The following FMN1 variants were observed in gnomAD, a reference collection of about 807,000 sequenced individuals.
FMN1 encodes the protein formin 1.
FMN1 carries 110 observed loss-of-function variants against 132.4 expected under a neutral mutation model. The ratio of observed to expected loss-of-function variants is 0.83; its 90% CI spans 0.71 to 0.97. The LOEUF (loss-of-function observed/expected upper bound fraction) is 0.97, where lower values mean the gene tolerates loss of function less well. FMN1 is among the 50% of genes least tolerant of loss of function. The pLI is 0.00. For missense variants in FMN1, 1,792 were observed against 1,705.3 expected (o/e 1.05, Z -0.90); for synonymous variants, 722 against 651.7 (o/e 1.11, Z -1.64).
chr15:32,995,558 T>C lies in FMN1; in HGVS notation c.2223+12456A>G, dbSNP rs537758132. Among the ~76,000 whole-genome samples, 14 of 152,322 alleles carry C rather than the reference T, an allele frequency of 9.2e-5. 1 individual carries two copies. The highest frequency in any genetic ancestry group is 6.5e-4 in the Admixed American group (10 of 15,300). On this transcript the variant is annotated intron_variant, in intron 7 of 20. Coordinates refer to ENST00000616417, the MANE Select transcript of FMN1 (RefSeq NM_001277313.2). ...AATGCTAAGTGTAGTGTCTGGCATATAGCAATATGCAACAAATGTTATCTG... is the reference window on the plus strand; with the variant it reads ...AATGCTAAGTGTAGTGTCTGGCATACAGCAATATGCAACAAATGTTATCTG...
chr15:33,068,701 G>A lies in FMN1; in HGVS notation c.2044-3627C>T, dbSNP rs188382767. ...ATGCAGATTTTAGCTCCTAAAGCCC[G>A]TGAGGGATAACCCACACGACTGGTT... On this transcript the variant is annotated intron_variant, in intron 5 of 20. Transcript: ENST00000616417. Among the ~76,000 whole-genome samples, 11 of 151,742 alleles carry A rather than the reference G, an allele frequency of 7.2e-5. No homozygotes were observed. The East Asian group carries it at 7.7e-4, about 11-fold the overall frequency.
At chr15:32,861,421 G>C (rs1316326954) in intron 16 of FMN1, among the ~76,000 whole-genome samples, 1 of 152,188 alleles carries the variant, frequency 6.6e-6, no homozygotes, top group Non-Finnish European at 1.5e-5. Context: ...GCCATATCAT[G>C]GGGGTGGTAA....
chr15:33,173,958 G>T (rs368072249), intron 3 of FMN1, among the ~76,000 whole-genome samples: 15 of 151,858 alleles, frequency 9.9e-5, no homozygotes, highest in African/African-American at 2.7e-4. Context: ...AAGAAAGAAA[G>T]AAACTTCAGG....
chr15:32,795,359 T>C (rs1436723794), intron 19 of FMN1, among the ~76,000 whole-genome samples: 1 of 152,096 alleles, frequency 6.6e-6, no homozygotes, highest in African/African-American at 2.4e-5. Context: ...TCTTCCAATA[T>C]AGTACCTATA....
intron 6 of FMN1, among the ~76,000 whole-genome samples, chr15:33,053,763 G>T (rs563587977): frequency 1.3e-5 from 2 of 152,274 alleles, no homozygotes; most frequent in South Asian, 4.1e-4. Context: ...AAGTCCAGAA[G>T]GGTCTCCAGT....
intron 6 of FMN1, among the ~76,000 whole-genome samples, chr15:33,029,014 A>G (rs945846978): frequency 2.4e-4 from 37 of 152,250 alleles, no homozygotes; most frequent in Non-Finnish European, 4.1e-4. Flanking sequence ...GTTTCACCTA[A>G]GAAATGACAT....
At chr15:32,863,596 C>G (rs979434899) in intron 16 of FMN1, among the ~76,000 whole-genome samples, 3 of 152,090 alleles carry the variant, frequency 2.0e-5, no homozygotes, top group African/African-American at 7.2e-5. Flanking sequence ...AATGGGTCAC[C>G]AACTAAGATT....
chr15:33,115,411 T>G lies in FMN1; in HGVS notation c.1868-26437A>C, dbSNP rs75058461. 1.1e-3 allele frequency among the ~76,000 whole-genome samples: 174 copies of G among 152,186 alleles called. 1 individual carries two copies. The highest frequency in any genetic ancestry group is 4.2e-3 in the African/African-American group (173 of 41,518). On this transcript the variant is annotated intron_variant, in intron 4 of 20. Coordinates refer to ENST00000616417, the MANE Select transcript of FMN1 (RefSeq NM_001277313.2). ...ATTTTCAACGGACTGGTATGTGGGT[T>G]GCTTATGAAAGAGGTAGGCAAGGCT...
At chr15:32,952,607 A>G (rs116048109) in intron 9 of FMN1, among the ~76,000 whole-genome samples, 6 of 152,338 alleles carry the variant, frequency 3.9e-5, no homozygotes, top group African/African-American at 1.2e-4. Context: ...AGGAAGTTGT[A>G]CAACAGAGTC....
intron 6 of FMN1, among the ~76,000 whole-genome samples, chr15:33,053,608 A>G (rs2037078823): frequency 6.6e-6 from 1 of 152,030 alleles, no homozygotes; most frequent in South Asian, 2.1e-4. Context: ...TTGGCTACAA[A>G]CTTCGGTGTT....
rs373649853 is a variant in FMN1 at position 32,899,402 on chromosome 15, G to A, written c.3655-509C>T. 3.0e-3 allele frequency among the ~76,000 whole-genome samples: 458 copies of A among 152,336 alleles called. 2 individuals carry two copies. The highest frequency in any genetic ancestry group is 0.01 in the African/African-American group (436 of 41,586). On this transcript the variant is annotated intron_variant, in intron 14 of 20. Transcript: ENST00000616417. ...CAGCCTTTGTGTCCTGCTCACTGGG[G>A]CCTAATTCTAATTTGCCTGTGTGTT... is the stretch of plus-strand genomic sequence containing the variant.
In FMN1 at chr15:33,193,356, T is replaced by C. The variant is rs139838090; in HGVS notation, c.-197+553A>G. On this transcript the variant is annotated intron_variant, in intron 2 of 20. Transcript: ENST00000616417. ...AGCAACGGCTGTTGAATCCCATTGGTGTGCCTATAAGATGCTACCTGGTGT... is the reference window on the plus strand; with the variant it reads ...AGCAACGGCTGTTGAATCCCATTGGCGTGCCTATAAGATGCTACCTGGTGT... 2.0e-3 allele frequency among the ~76,000 whole-genome samples: 301 copies of C among 152,286 alleles called. 1 individual carries two copies. The highest frequency in any genetic ancestry group is 3.4e-3 in the Middle Eastern group (1 of 294).
At chr15:33,000,704 A>G (rs2140908019) in intron 7 of FMN1, among the ~76,000 whole-genome samples, 1 of 152,348 alleles carries the variant, frequency 6.6e-6, no homozygotes, top group Admixed American at 6.5e-5. Context: ...ATATTAATCA[A>G]TTAGGGTAGT....
At chr15:33,041,632 TAATCATTAG>T in intron 6 of FMN1, among the ~76,000 whole-genome samples, 1 of 152,142 alleles carries the variant, frequency 6.6e-6, no homozygotes, top group South Asian at 2.1e-4. Flanking sequence ...TCAACCTTAC[TAATCATTAG>T]AGGAATGAAA....
chr15:33,066,427 T>A, intron 5 of FMN1: 1 of 1,141,332 alleles, frequency 8.8e-7, no homozygotes, highest in Non-Finnish European at 1.2e-6. Context: ...AACAGGCAAC[T>A]AGGATTCACT....
intron 4 of FMN1, among the ~76,000 whole-genome samples, chr15:33,125,669 G>A (rs959534060): frequency 1.3e-5 from 2 of 150,684 alleles, no homozygotes; most frequent in African/African-American, 4.9e-5. Context: ...GTGAAACCTC[G>A]TCTCTACTAA....
chr15:33,069,656 T>G (rs578144998), intron 5 of FMN1, among the ~76,000 whole-genome samples: 1 of 152,106 alleles, frequency 6.6e-6, no homozygotes, highest in Non-Finnish European at 1.5e-5. Flanking sequence ...TTTCTAGCAA[T>G]GTATTCAAAA....
chr15:32,791,572 C>G (rs770713194), intron 19 of FMN1, among the ~76,000 whole-genome samples: 4 of 152,028 alleles, frequency 2.6e-5, no homozygotes, highest in Non-Finnish European at 4.4e-5. Flanking sequence ...AATAGAAAAC[C>G]TCTAGGCAGA....
intron 3 of FMN1, among the ~76,000 whole-genome samples, chr15:33,156,046 G>A (rs1044531075): frequency 6.6e-6 from 1 of 152,078 alleles, no homozygotes; most frequent in African/African-American, 2.4e-5. Flanking sequence ...ATTTTCCTCA[G>A]GTTTTTTCTA....
Sources: allele counts gnomAD v4.1 joint callset (sites outside exome capture counted in the v4.1 genomes callset), GRCh38; gene constraint gnomAD v4.1.1; transcripts MANE v1.5; gene names NCBI Gene and HGNC (gene_info 2026-07-23, HGNC 2026-07-21).